GRM7: variants seen among roughly 807,000 people sequenced by gnomAD.
The protein encoded by GRM7 is glutamate metabotropic receptor 7, also known as metabotropic glutamate receptor 7.
GRM7 carries 35 observed loss-of-function variants against 84.5 expected under a neutral mutation model. That is an observed-to-expected ratio of 0.41 (90% CI 0.32 to 0.55). The LOEUF (loss-of-function observed/expected upper bound fraction) is 0.55, where lower values mean the gene tolerates loss of function less well. Ranked by LOEUF, GRM7 falls within the 20% of genes least tolerant of loss-of-function variation. The probability of loss-of-function intolerance (pLI) is 0.19; values close to 1 mark genes in which losing one functional copy is unlikely to be tolerated. For synonymous variants in GRM7, 487 were observed against 455.1 expected (o/e 1.07, Z -0.89); for missense variants, 1,003 against 1,194.6 (o/e 0.84, Z 2.36).
chr3:7,290,833 C>T (rs1699594529), intron 2 of GRM7, among the ~76,000 whole-genome samples: 1 of 152,058 alleles, frequency 6.6e-6, no homozygotes, highest in Non-Finnish European at 1.5e-5. Flanking sequence ...CCTCTCTCTC[C>T]CTTGGCAATC....
At chr3:7,157,640 T>C (rs765993516) in intron 2 of GRM7, among the ~76,000 whole-genome samples, 6 of 152,120 alleles carry the variant, frequency 3.9e-5, no homozygotes, top group Non-Finnish European at 8.8e-5. Flanking sequence ...GTGATATGGT[T>C]AAGAGTTTTT....
chr3:7,410,622 C>CACAT (rs1422046640), intron 4 of GRM7, among the ~76,000 whole-genome samples: 1 of 148,240 alleles, frequency 6.7e-6, no homozygotes, highest in Non-Finnish European at 1.5e-5. Flanking sequence ...CACACACACA[C>CACAT]ACAAATACAC....
At chr3:7,044,805 C>A (rs1211019529) in intron 1 of GRM7, among the ~76,000 whole-genome samples, 1 of 152,144 alleles carries the variant, frequency 6.6e-6, no homozygotes, top group Non-Finnish European at 1.5e-5. Context: ...TCAGAGTGAA[C>A]TTCACCTGGT....
At chr3:6,899,869 A>C (rs1301401390) in intron 1 of GRM7, among the ~76,000 whole-genome samples, 1 of 152,210 alleles carries the variant, frequency 6.6e-6, no homozygotes, top group East Asian at 1.9e-4. Context: ...GCTTTTATCC[A>C]AGGTCACACA....
intron 1 of GRM7, among the ~76,000 whole-genome samples, chr3:7,020,252 C>T (rs569016166): frequency 2.7e-4 from 41 of 152,296 alleles, no homozygotes; most frequent in Middle Eastern, 3.4e-3. Context: ...AGAAGCCAAA[C>T]TGAAAAGCCT....
intron 1 of GRM7, among the ~76,000 whole-genome samples, chr3:7,026,486 A>C (rs115092550): frequency 0.035 from 5,357 of 152,280 alleles, 135 homozygotes; most frequent in Middle Eastern, 0.071. Context: ...GGACTTTTCT[A>C]TCCCCGGGAA....
At chr3:7,691,037 AG>A (rs1298089717) in intron 9 of GRM7, 1 of 280,482 alleles carries the variant, frequency 3.6e-6, no homozygotes, top group East Asian at 1.1e-4. Context: ...TCAACTTTGC[AG>A]ATTTTTTTTT....
At chr3:7,495,082 G>A (rs1699654494) in intron 7 of GRM7, among the ~76,000 whole-genome samples, 2 of 152,134 alleles carry the variant, frequency 1.3e-5, no homozygotes, top group South Asian at 4.1e-4. Context: ...ATTTTAGCAG[G>A]AGGTAGCCAC....
chr3:7,325,103 C>A (rs1292943254), intron 4 of GRM7, among the ~76,000 whole-genome samples: 1 of 152,116 alleles, frequency 6.6e-6, no homozygotes, highest in Non-Finnish European at 1.5e-5. Flanking sequence ...TCCTTCTAAG[C>A]TTTTCCAGAA....
intron 7 of GRM7, among the ~76,000 whole-genome samples, chr3:7,504,156 AT>A (rs901211969): frequency 2.6e-5 from 4 of 152,228 alleles, no homozygotes; most frequent in African/African-American, 4.8e-5. Flanking sequence ...AGATAATATC[AT>A]TTTTGGAGTA....
intron 2 of GRM7, among the ~76,000 whole-genome samples, chr3:7,219,414 T>G (rs980133396): frequency 6.6e-6 from 1 of 152,220 alleles, no homozygotes; most frequent in Admixed American, 6.5e-5. Flanking sequence ...TGACTTTTCA[T>G]ACACATTACT....
chr3:7,392,090 C>G (rs1212063145), intron 4 of GRM7, among the ~76,000 whole-genome samples: 2 of 152,168 alleles, frequency 1.3e-5, no homozygotes, highest in African/African-American at 4.8e-5. Flanking sequence ...TGTGCTATCC[C>G]CTCCTTTGGT....
intron 9 of GRM7, among the ~76,000 whole-genome samples, chr3:7,705,070 G>A (rs1575653768): frequency 2.0e-5 from 3 of 152,072 alleles, no homozygotes; most frequent in Non-Finnish European, 2.9e-5. Flanking sequence ...CTGTGCCAAG[G>A]TCTAGAGGGT....
intron 2 of GRM7, among the ~76,000 whole-genome samples, chr3:7,171,848 T>C (rs1694993443): frequency 1.3e-5 from 2 of 152,144 alleles, no homozygotes; most frequent in South Asian, 4.1e-4. Flanking sequence ...TGGGTGAGGG[T>C]TGTGTGCAGT....
chr3:7,693,731 G>T lies in GRM7; in HGVS notation c.2698+13436G>T, dbSNP rs191577532. On this transcript the variant is annotated intron_variant, in intron 9 of 9. Transcript: ENST00000357716. ...CTTCTAAGTGTCCTAAGGAAGCTTTGCTACCCAGCCCACCAATGAACTTAA... is the reference window on the plus strand; with the variant it reads ...CTTCTAAGTGTCCTAAGGAAGCTTTTCTACCCAGCCCACCAATGAACTTAA... 3.2e-3 allele frequency: 3,887 copies of T among 1,217,260 alleles called. 47 individuals are homozygous for T. Among genetic ancestry groups the T allele is most frequent in the Middle Eastern group, 0.017 (91 of 5,394 alleles). 75.4% of individuals were successfully genotyped at this position (1,217,260 alleles called of 1,614,324 possible). A position where few individuals can be genotyped will look rare whatever the true frequency, so the allele number is the denominator to read the frequency against.
intron 8 of GRM7, among the ~76,000 whole-genome samples, chr3:7,658,049 A>G (rs1699279296): frequency 6.6e-6 from 1 of 152,204 alleles, no homozygotes; most frequent in Non-Finnish European, 1.5e-5. Flanking sequence ...AGAATGAAGA[A>G]CACTATTGTG....
intron 9 of GRM7, chr3:7,686,581 C>G (rs1473522720): frequency 3.4e-6 from 2 of 589,428 alleles, no homozygotes; most frequent in East Asian, 5.7e-5. Context: ...CAAAGATGAT[C>G]GATTTGATAA....
At chr3:7,035,059 G>C (rs1488216392) in intron 1 of GRM7, among the ~76,000 whole-genome samples, 1 of 152,160 alleles carries the variant, frequency 6.6e-6, no homozygotes, top group Non-Finnish European at 1.5e-5. Context: ...TGGAAGAGCA[G>C]GTGGAGGTAT....
chr3:7,075,496 A>ACGTGTGTGTGTG lies in GRM7; in HGVS notation c.520-70956_520-70955insCGTGTGTGTGTG, dbSNP rs1491399036. The stretch of plus-strand genomic sequence containing the variant: ...CTATCCAAAACTTCTTGCTTCTCAG[A>ACGTGTGTGTGTG]TGTGTGTGTGTGTGTGTGTGTGTGT... On this transcript the variant is annotated intron_variant, in intron 1 of 9. Coordinates refer to ENST00000357716, the MANE Select transcript of GRM7 (RefSeq NM_000844.4). Among the ~76,000 whole-genome samples, 195 of 138,580 alleles carry ACGTGTGTGTGTG rather than the reference A, an allele frequency of 1.4e-3. 5 individuals carry two copies. Among genetic ancestry groups the ACGTGTGTGTGTG allele is most frequent in the African/African-American group, 4.6e-3 (169 of 37,036 alleles). The allele number at this position is 138,580 out of a possible 152,430, so 90.9% of individuals were successfully genotyped here. A position where few individuals can be genotyped will look rare whatever the true frequency, so the allele number is the denominator to read the frequency against.
Sources: gnomAD v4.1 joint callset for allele counts (sites outside exome capture counted in the v4.1 genomes callset) on GRCh38, gnomAD v4.1.1 for gene constraint, MANE v1.5 for transcripts, NCBI Gene and HGNC (gene_info 2026-07-23, HGNC 2026-07-21) for gene names.